Variants in CDC42SE2 observed in about 807,000 individuals in gnomAD.
CDC42SE2 encodes the protein CDC42 small effector protein 2.
In CDC42SE2, 3 loss-of-function variants were observed where a neutral mutation model predicts 11.5. The observed-to-expected ratio is 0.26, with a 90% CI of 0.12 to 0.67. The LOEUF is 0.67. Among genes scored for constraint, CDC42SE2 ranks in the 30% least tolerant of loss-of-function variants. The pLI is 0.80. For missense variants in CDC42SE2, 82 were observed against 106.8 expected (o/e 0.77, Z 1.02); for synonymous variants, 33 against 34.8 (o/e 0.95, Z 0.18).
intron 1 of CDC42SE2, among the ~76,000 whole-genome samples, chr5:131,249,911 T>C (rs1445201047): frequency 6.6e-6 from 1 of 152,108 alleles, no homozygotes; most frequent in African/African-American, 2.4e-5. Context: ...GGAGATATCA[T>C]TTTACGTTTA....
intron 1 of CDC42SE2, among the ~76,000 whole-genome samples, chr5:131,305,715 C>T (rs1757765345): frequency 6.6e-6 from 1 of 152,080 alleles, no homozygotes; most frequent in Admixed American, 6.6e-5. Flanking sequence ...TCTCTTCAAT[C>T]CATTAATTGT....
chr5:131,288,494 A>G (rs1452132769), intron 1 of CDC42SE2, among the ~76,000 whole-genome samples: 1 of 151,998 alleles, frequency 6.6e-6, no homozygotes, highest in Non-Finnish European at 1.5e-5. Flanking sequence ...AAATACTGTA[A>G]TTTCGATTCC....
At chr5:131,274,441 A>G (rs776931195) in intron 1 of CDC42SE2, among the ~76,000 whole-genome samples, 13 of 152,180 alleles carry the variant, frequency 8.5e-5, no homozygotes, top group African/African-American at 3.1e-4. Context: ...TGTAACCACA[A>G]TTTGCTCTCT....
At chr5:131,262,025 A>C (rs977156789), upstream of CDC42SE2, among the ~76,000 whole-genome samples, 46 of 152,112 alleles carry the variant, frequency 3.0e-4, no homozygotes, top group African/African-American at 9.7e-4. Flanking sequence ...AAAAATCTGA[A>C]AATAAATGTT....
chr5:131,334,543 A>T (rs867822589), intron 2 of CDC42SE2, among the ~76,000 whole-genome samples: 2 of 152,156 alleles, frequency 1.3e-5, no homozygotes, highest in Admixed American at 6.6e-5. Context: ...AGGAATGGTA[A>T]CAGTTCCTCC....
intron 3 of CDC42SE2, among the ~76,000 whole-genome samples, chr5:131,376,064 C>T (rs1750144415): frequency 6.6e-6 from 1 of 151,866 alleles, no homozygotes; most frequent in Non-Finnish European, 1.5e-5. Flanking sequence ...CATGGTGAAA[C>T]CCATCTTTAC....
At position 131,351,795 on chromosome 5, in the gene CDC42SE2, G is replaced by A. The variant is rs188138688; in HGVS notation, c.-285-7414G>A. Reference sequence around the variant, plus strand: ...TGAAAGAATTTTTAGAACCCAAAAAGCACAAATCATAAGAGATAAAACTTA... The same window carrying A: ...TGAAAGAATTTTTAGAACCCAAAAAACACAAATCATAAGAGATAAAACTTA... On this transcript the variant is annotated intron_variant, in intron 2 of 4. Transcript: ENST00000505065. 3.3e-5 allele frequency among the ~76,000 whole-genome samples: 5 copies of A among 152,238 alleles called. No individual in the cohort carries two copies. In the East Asian group the frequency reaches 9.6e-4, roughly 29 times the overall value.
chr5:131,354,482 CA>C (rs1749471717), intron 2 of CDC42SE2, among the ~76,000 whole-genome samples: 2 of 152,098 alleles, frequency 1.3e-5, no homozygotes, highest in African/African-American at 2.4e-5. Flanking sequence ...CATCTCTAAA[CA>C]AAATAGTTTA....
At chr5:131,296,372 C>T (rs1207083062) in intron 1 of CDC42SE2, among the ~76,000 whole-genome samples, 1 of 152,166 alleles carries the variant, frequency 6.6e-6, no homozygotes, top group Non-Finnish European at 1.5e-5. Context: ...AACTAGGTGG[C>T]TTAAGACAAC....
At chr5:131,246,131 G>A (rs1756579261) in intron 1 of CDC42SE2, among the ~76,000 whole-genome samples, 1 of 152,112 alleles carries the variant, frequency 6.6e-6, no homozygotes, top group South Asian at 2.1e-4. Flanking sequence ...GTTCCTTGAG[G>A]ATATTATTTT....
chr5:131,258,112 T>G (rs1756693090), intron 2 of CDC42SE2, among the ~76,000 whole-genome samples: 1 of 152,178 alleles, frequency 6.6e-6, no homozygotes, highest in Non-Finnish European at 1.5e-5. Flanking sequence ...CAACTCAAGA[T>G]CCATTGTGGT....
intron 2 of CDC42SE2, among the ~76,000 whole-genome samples, chr5:131,338,582 C>T (rs866670660): frequency 2.6e-5 from 4 of 152,276 alleles, no homozygotes; most frequent in South Asian, 4.1e-4. Flanking sequence ...ACTTCATTTT[C>T]TAAGCAATAT....
chr5:131,309,723 T>A (rs1757859936), intron 1 of CDC42SE2, among the ~76,000 whole-genome samples: 1 of 151,988 alleles, frequency 6.6e-6, no homozygotes, highest in Non-Finnish European at 1.5e-5. Flanking sequence ...GATTTTCTAG[T>A]TTATTTGCGT....
intron 1 of CDC42SE2, among the ~76,000 whole-genome samples, chr5:131,313,069 G>A (rs1184631329): frequency 2.6e-5 from 4 of 151,512 alleles, no homozygotes; most frequent in African/African-American, 9.7e-5. Context: ...TGAAAGCTCT[G>A]CCTCCCGGGT....
At position 131,307,636 on chromosome 5, in the gene CDC42SE2, T is replaced by C. The variant is rs572489037; in HGVS notation, c.-454-8340T>C. ...TTCTAGTTCTAGATCCCTGAGGAAT[T>C]GCCACACTGACTTCCACAATGGTTG... On this transcript the variant is annotated intron_variant, in intron 1 of 4. Coordinates refer to ENST00000505065, the MANE Select transcript of CDC42SE2 (RefSeq NM_001375635.1). Among the ~76,000 whole-genome samples, 571 of 152,204 alleles carry C rather than the reference T, an allele frequency of 3.8e-3. 4 individuals carry two copies. The highest frequency in any genetic ancestry group is 0.01 in the African/African-American group (429 of 41,542).
intron 1 of CDC42SE2, among the ~76,000 whole-genome samples, chr5:131,270,146 G>A (rs1004189102): frequency 7.9e-5 from 12 of 151,476 alleles, no homozygotes; most frequent in African/African-American, 2.4e-4. Flanking sequence ...AGGCTGAGGC[G>A]GGCAGATCAT....
chr5:131,320,625 T>A (rs1177229543), intron 2 of CDC42SE2, among the ~76,000 whole-genome samples: 3 of 150,360 alleles, frequency 2.0e-5, no homozygotes, highest in African/African-American at 7.4e-5. Flanking sequence ...GCTTGTAATC[T>A]CAGCTACTTG....
At chr5:131,210,358 G>A in the CDC42SE2 span, among the ~76,000 whole-genome samples, 1 of 152,084 alleles carries the variant, frequency 6.6e-6, no homozygotes, top group Non-Finnish European at 1.5e-5. Context: ...TACACTAAAT[G>A]CTTACTAAAA....
chr5:131,332,588 T>C (rs555884877), intron 2 of CDC42SE2, among the ~76,000 whole-genome samples: 1 of 152,208 alleles, frequency 6.6e-6, no homozygotes, highest in Non-Finnish European at 1.5e-5. Context: ...CCACCAACAG[T>C]GTAAAAGTGT....
Sources: allele counts gnomAD v4.1 joint callset (sites outside exome capture counted in the v4.1 genomes callset), GRCh38; gene constraint gnomAD v4.1.1; transcripts MANE v1.5; gene names NCBI Gene and HGNC (gene_info 2026-07-23, HGNC 2026-07-21).